Variants in FARS2 observed in about 807,000 individuals in gnomAD.
The protein encoded by FARS2 is phenylalanine--tRNA ligase, mitochondrial.
In FARS2, 40 loss-of-function variants were observed where a neutral mutation model predicts 46.4. The observed-to-expected ratio is 0.86, with a 90% CI of 0.67 to 1.12. The LOEUF (loss-of-function observed/expected upper bound fraction) is 1.12. Ranked by LOEUF, FARS2 falls within the 50% of genes most tolerant of loss-of-function variation. FARS2 has a pLI of 0.00. For synonymous variants in FARS2, 234 were observed against 214.9 expected, an observed-to-expected ratio of 1.09 and a Z score of -0.78; for missense variants, 513 against 567.9, an observed-to-expected ratio of 0.90 and a Z score of 0.98.
At chr6:5,717,933 T>TATATATATATACATACATACATACATAC (rs1554128879) in intron 6 of FARS2, among the ~76,000 whole-genome samples, 1 of 128,230 alleles carries the variant, frequency 7.8e-6, no homozygotes, top group African/African-American at 3.9e-5. Flanking sequence ...TATATATATA[T>TATATATATATACATACATACATACATAC]ATACAGAGTC....
chr6:5,583,781 C>A (rs1297661294), intron 5 of FARS2, among the ~76,000 whole-genome samples: 4 of 152,186 alleles, frequency 2.6e-5, no homozygotes, highest in African/African-American at 9.7e-5. Flanking sequence ...CCCAGGCAGT[C>A]TGGTTCATAT....
chr6:5,432,351 T>TA (rs1491454941), intron 4 of FARS2, among the ~76,000 whole-genome samples: 583 of 41,988 alleles, frequency 0.014, 3 homozygotes, highest in Non-Finnish European at 0.023. Context: ...TATATATATA[T>TA]TATATATATA....
At chr6:5,658,893 G>C (rs1777721297) in intron 6 of FARS2, among the ~76,000 whole-genome samples, 1 of 152,192 alleles carries the variant, frequency 6.6e-6, no homozygotes, top group South Asian at 2.1e-4. Flanking sequence ...CCAATTTCAA[G>C]TTCTGCTTAT....
At chr6:5,324,553 C>T (rs1770223270) in intron 1 of FARS2, among the ~76,000 whole-genome samples, 2 of 148,574 alleles carry the variant, frequency 1.3e-5, no homozygotes, top group Admixed American at 1.4e-4. Flanking sequence ...TTTATTTTCT[C>T]ACTTATTGGT....
chr6:5,348,906 A>G (rs372595466), intron 1 of FARS2, among the ~76,000 whole-genome samples: 35 of 152,130 alleles, frequency 2.3e-4, no homozygotes, highest in Middle Eastern at 3.4e-3. Flanking sequence ...CTTTCCCTCT[A>G]AGATTGGGAA....
rs1338699047 is a variant in FARS2 at position 5,732,885 on chromosome 6, A to G, written c.1218-38406A>G. On this transcript the variant is annotated intron_variant, in intron 6 of 6. Coordinates refer to ENST00000274680, the MANE Select transcript of FARS2 (RefSeq NM_006567.5). ...TCTGCCTTCACTTCACATCACTTCC[A>G]CAGTTGCTGAATTCTTCCTTCATGC... Among the ~76,000 whole-genome samples, 3 of 151,654 alleles carry G rather than the reference A, an allele frequency of 2.0e-5. No homozygotes were observed. In the East Asian group the frequency reaches 5.8e-4, roughly 29 times the overall value.
chr6:5,677,259 A>G (rs563857954), intron 6 of FARS2, among the ~76,000 whole-genome samples: 1 of 152,218 alleles, frequency 6.6e-6, no homozygotes, highest in East Asian at 1.9e-4. Context: ...CATAATTAAA[A>G]AGGCCTGGTC....
intron 6 of FARS2, among the ~76,000 whole-genome samples, chr6:5,717,933 T>TGG (rs1554128878): frequency 2.3e-5 from 3 of 128,232 alleles, no homozygotes; most frequent in Non-Finnish European, 1.6e-5. Context: ...TATATATATA[T>TGG]ATACAGAGTC....
chr6:5,514,601 T>C (rs1768670323), intron 4 of FARS2, among the ~76,000 whole-genome samples: 1 of 152,232 alleles, frequency 6.6e-6, no homozygotes, highest in South Asian at 2.1e-4. Flanking sequence ...AAATTAGCTA[T>C]TGCTGTGAGC....
chr6:5,455,827 T>C (rs1331959983), intron 4 of FARS2, among the ~76,000 whole-genome samples: 2 of 152,230 alleles, frequency 1.3e-5, no homozygotes, highest in African/African-American at 4.8e-5. Context: ...TGAGCCTCAG[T>C]TTCTCATCTA....
chr6:5,488,316 A>G (rs999886566), intron 4 of FARS2, among the ~76,000 whole-genome samples: 2 of 152,166 alleles, frequency 1.3e-5, no homozygotes, highest in African/African-American at 2.4e-5. Context: ...CCTTGTGGAG[A>G]ACTTTTTCAC....
At chr6:5,284,840 C>T (rs372272783) in intron 1 of FARS2, among the ~76,000 whole-genome samples, 1 of 152,190 alleles carries the variant, frequency 6.6e-6, no homozygotes, top group Non-Finnish European at 1.5e-5. Context: ...CAGAGCCTCC[C>T]TCCGTGGCCT....
chr6:5,667,050 G>A (rs978585266), intron 6 of FARS2, among the ~76,000 whole-genome samples: 19 of 152,136 alleles, frequency 1.2e-4, no homozygotes, highest in African/African-American at 3.1e-4. Context: ...GGGGCCTATC[G>A]GAGGGTGGAG....
chr6:5,407,043 T>TTTTATATATATATATATATATATATATA (rs370004990), intron 3 of FARS2, among the ~76,000 whole-genome samples: 1 of 83,904 alleles, frequency 1.2e-5, no homozygotes, highest in African/African-American at 4.9e-5. Flanking sequence ...AGGTGGCAAA[T>TTTTATATATATATATATATATATATATA]TATATATATA....
intron 1 of FARS2, among the ~76,000 whole-genome samples, chr6:5,265,400 T>A (rs1765483537): frequency 6.6e-6 from 1 of 152,210 alleles, no homozygotes; most frequent in Non-Finnish European, 1.5e-5. Flanking sequence ...TTTATTTTAG[T>A]GATGTTTTCT....
intron 6 of FARS2, among the ~76,000 whole-genome samples, chr6:5,629,868 C>T (rs997774150): frequency 6.6e-6 from 1 of 151,930 alleles, no homozygotes; most frequent in African/African-American, 2.4e-5. Flanking sequence ...AAGGAGAGAT[C>T]GTGGGGATGA....
chr6:5,487,352 A>G (rs145910769), intron 4 of FARS2, among the ~76,000 whole-genome samples: 6 of 152,342 alleles, frequency 3.9e-5, no homozygotes, highest in East Asian at 1.9e-4. Flanking sequence ...CCAGTCTCCA[A>G]TGACCACTGA....
chr6:5,717,352 T>C (rs956754633), intron 6 of FARS2, among the ~76,000 whole-genome samples: 2 of 2,894 alleles, frequency 6.9e-4, no homozygotes, highest in Non-Finnish European at 1.6e-3. Context: ...GATATGTATA[T>C]GTGTGTGTGT....
Position 5,613,258 on chromosome 6 carries a change from C to G in FARS2, c.1155C>G (p.Val385=). 6.2e-7 allele frequency: 1 copy of G among 1,613,382 alleles called. No homozygotes were observed. Among genetic ancestry groups the G allele is most frequent in the Non-Finnish European group, 8.5e-7 (1 of 1,179,622 alleles). The change falls in exon 6 of 7, where the codon GTC becomes GTG. Residue 385 remains valine, a synonymous_variant. Transcript: ENST00000274680. The part of the protein sequence containing the change: ...NYAENDFYDL[V]RTIGGDLVEK... ...CAGAAAATGATTTCTATGACTTAGT[C>G]CGAACAATTGGAGGAGACCTGGTGG...
Sources: allele counts gnomAD v4.1 joint callset (sites outside exome capture counted in the v4.1 genomes callset), GRCh38; gene constraint gnomAD v4.1.1; transcripts MANE v1.5; gene names NCBI Gene and HGNC (gene_info 2026-07-23, HGNC 2026-07-21).